Variants in NUP93 observed in about 807,000 individuals in gnomAD.
The protein encoded by NUP93 is nuclear pore complex protein Nup93.
NUP93 carries 55 observed loss-of-function variants against 107.8 expected under a neutral mutation model. The ratio of observed to expected loss-of-function variants is 0.51; its 90% CI spans 0.41 to 0.64. NUP93 has a LOEUF of 0.64. Among genes scored for constraint, NUP93 ranks in the 30% least tolerant of loss-of-function variants. The pLI, the probability that NUP93 is intolerant of heterozygous loss-of-function variation, is 0.00. For synonymous variants in NUP93, 390 were observed against 397.5 expected, an observed-to-expected ratio of 0.98 and a Z score of 0.22; for missense variants, 937 against 1,044.7, an observed-to-expected ratio of 0.90 and a Z score of 1.42.
rs1207106002 is a variant in NUP93, at chr16:56,783,082, C to G, written c.298-15394C>G. On this transcript the variant is annotated intron_variant, in intron 3 of 21. Coordinates refer to ENST00000308159, the MANE Select transcript of NUP93 (RefSeq NM_014669.5). ...AATACCTTGATTAATATCAAAGATA[C>G]AATACATTTAATTCGGCATTAAAAA... is the stretch of plus-strand genomic sequence containing the variant. Among the ~76,000 whole-genome samples the G allele has an allele frequency of 4.6e-5, 7 of 152,108 alleles. No individual in the cohort carries two copies. In the East Asian group the frequency reaches 1.2e-3, roughly 25 times the overall value.
intron 5 of NUP93, among the ~76,000 whole-genome samples, chr16:56,814,535 G>T (rs372125037): frequency 2.6e-5 from 4 of 152,186 alleles, no homozygotes; most frequent in African/African-American, 9.7e-5. Flanking sequence ...CTTGGGAAAA[G>T]AGTTTTATGC....
At chr16:56,748,049 A>C in intron 1 of NUP93, 185 bp from the exon 2 acceptor site, 37 of 389,536 alleles carry the variant, frequency 9.5e-5, no homozygotes, top group Non-Finnish European at 8.0e-5. Flanking sequence ...TCACAGCCTG[A>C]CTCATTTTCT....
chr16:56,784,473 A>G (rs1962583250), intron 3 of NUP93, among the ~76,000 whole-genome samples: 1 of 152,212 alleles, frequency 6.6e-6, no homozygotes, highest in African/African-American at 2.4e-5. Flanking sequence ...TGTGACTTCA[A>G]AGCTGCTTGT....
At chr16:56,767,816 T>C (rs1313820015) in intron 3 of NUP93, among the ~76,000 whole-genome samples, 1 of 152,198 alleles carries the variant, frequency 6.6e-6, no homozygotes, top group African/African-American at 2.4e-5. Flanking sequence ...ATTTACAGGA[T>C]CATTTAATTC....
At chr16:56,748,453 A>G in intron 2 of NUP93, 27 bp downstream of exon 2, 2 of 1,562,016 alleles carry the variant, frequency 1.3e-6, no homozygotes, top group Non-Finnish European at 8.7e-7. Context: ...AGACAGCATT[A>G]GTACTGGGTG....
intron 4 of NUP93, among the ~76,000 whole-genome samples, chr16:56,799,937 A>G (rs1311900739): frequency 6.6e-6 from 1 of 152,164 alleles, no homozygotes; most frequent in Non-Finnish European, 1.5e-5. Context: ...AATCCCAGCA[A>G]TTTGGGAGGA....
Position 56,837,704 on chromosome 16 carries a change from A to G in NUP93, c.1996A>G (p.Met666Val), listed in dbSNP as rs576474597. 2.5e-5 allele frequency: 41 copies of G among 1,613,994 alleles called. No individual in the cohort carries two copies. In the South Asian group the frequency reaches 4.0e-4, roughly 16 times the overall value. The change falls in exon 18 of 22, where the codon ATG becomes GTG. Residue 666 changes from methionine (M) to valine (V), a missense_variant. Coordinates refer to ENST00000308159, the MANE Select transcript of NUP93 (RefSeq NM_014669.5). ...ATCCAACAAGGAGAGGCTGAAGAAC[A>G]TGGCACTCTCCATTGCCGAACGGTA... Reference protein sequence around the residue: ...PQSNKERLKNMALSIAERYRA... With the variant: ...PQSNKERLKNVALSIAERYRA...
At chr16:56,736,563 CAG>C (rs1314392779) in intron 1 of NUP93, among the ~76,000 whole-genome samples, 2 of 152,074 alleles carry the variant, frequency 1.3e-5, no homozygotes, top group African/African-American at 4.8e-5. Context: ...TGAGGTAACA[CAG>C]AGATGCAAAG....
intron 1 of NUP93, among the ~76,000 whole-genome samples, chr16:56,747,366 C>G (rs1373863864): frequency 6.6e-6 from 1 of 152,160 alleles, no homozygotes; most frequent in Non-Finnish European, 1.5e-5. Context: ...AAAACATTCT[C>G]TTGGTCAAGA....
At chr16:56,781,411 T>TC (rs1316720026) in intron 3 of NUP93, among the ~76,000 whole-genome samples, 1 of 152,194 alleles carries the variant, frequency 6.6e-6, no homozygotes, top group East Asian at 1.9e-4. Flanking sequence ...GGCACAATGA[T>TC]CCGAGATGCT....
chr16:56,780,427 T>C (rs2144517981), intron 3 of NUP93, among the ~76,000 whole-genome samples: 1 of 152,342 alleles, frequency 6.6e-6, no homozygotes, highest in East Asian at 1.9e-4. Context: ...GTTCTTTCAT[T>C]GTTATTCACT....
At chr16:56,733,625 C>T (rs1390570394) in intron 1 of NUP93, among the ~76,000 whole-genome samples, 1 of 152,070 alleles carries the variant, frequency 6.6e-6, no homozygotes, top group African/African-American at 2.4e-5. Flanking sequence ...TAGTTTGAGG[C>T]ACCCATGAGT....
intron 5 of NUP93, among the ~76,000 whole-genome samples, chr16:56,810,574 G>A (rs1234909507): frequency 6.6e-6 from 1 of 152,198 alleles, no homozygotes; most frequent in African/African-American, 2.4e-5. Flanking sequence ...TGGGGCTGCA[G>A]TGAGCTGTGA....
At chr16:56,786,306 G>C (rs778847485) in intron 3 of NUP93, among the ~76,000 whole-genome samples, 3 of 152,188 alleles carry the variant, frequency 2.0e-5, no homozygotes, top group Non-Finnish European at 4.4e-5. Context: ...GTTAAGTAAA[G>C]GAAGGCTTAA....
chr16:56,800,697 C>A (rs1963001746), intron 4 of NUP93, among the ~76,000 whole-genome samples: 1 of 152,236 alleles, frequency 6.6e-6, no homozygotes, highest in Non-Finnish European at 1.5e-5. Context: ...TTGCCAGTGT[C>A]CTGCTGAAAT....
At chr16:56,745,079 A>T (rs532258190) in intron 1 of NUP93, among the ~76,000 whole-genome samples, 1 of 152,350 alleles carries the variant, frequency 6.6e-6, no homozygotes, top group East Asian at 1.9e-4. Flanking sequence ...GGTGACAGAC[A>T]GTAAAGGAGA....
intron 5 of NUP93, among the ~76,000 whole-genome samples, chr16:56,812,537 G>A (rs537169010): frequency 6.6e-6 from 1 of 152,158 alleles, no homozygotes; most frequent in South Asian, 2.1e-4. Context: ...TAGAGACGGG[G>A]CTTCACTGTG....
intron 7 of NUP93, among the ~76,000 whole-genome samples, chr16:56,823,203 A>G (rs1963584748): frequency 1.3e-5 from 2 of 152,140 alleles, no homozygotes. Flanking sequence ...ACGCTCACCA[A>G]GTAACGTAAG....
In NUP93 at chr16:56,844,485, C is replaced by T; in HGVS notation, c.2350-14C>T. The stretch of plus-strand genomic sequence containing the variant: ...GTTAACCGATTTCCTTCCCTTCCTT[C>T]CCTTCTCTCTCAGCAACTCCGAAGT... On this transcript the variant is annotated splice_polypyrimidine_tract_variant and intron_variant, in intron 21 of 21. Transcript: ENST00000308159. The T allele has an allele frequency of 2.8e-6, 4 of 1,411,360 alleles. No individual in the cohort carries two copies. Among genetic ancestry groups the T allele is most frequent in the Non-Finnish European group, 3.8e-6 (4 of 1,064,294 alleles). 87.4% of individuals were successfully genotyped at this position (1,411,360 alleles called of 1,614,324 possible).
Sources: allele counts gnomAD v4.1 joint callset (sites outside exome capture counted in the v4.1 genomes callset), GRCh38; gene constraint gnomAD v4.1.1; transcripts MANE v1.5; gene names NCBI Gene and HGNC (gene_info 2026-07-23, HGNC 2026-07-21).